The following ATP8B1 variants were observed in gnomAD, a reference collection of about 807,000 sequenced individuals.
ATP8B1 encodes phospholipid-transporting ATPase IC.
Under a neutral mutation model 149.9 loss-of-function variants are expected in ATP8B1, and 80 were observed. That is an observed-to-expected ratio of 0.53 (90% CI 0.45 to 0.64). The LOEUF is 0.64. Ranked by LOEUF, ATP8B1 falls within the 30% of genes least tolerant of loss-of-function variation. The pLI is 0.00. For synonymous variants in ATP8B1, 536 were observed against 562.8 expected (o/e 0.95, Z 0.67); for missense variants, 1,247 against 1,552.6 (o/e 0.80, Z 3.31).
chr18:57,659,207 T>G (rs1233663360), intron 22 of ATP8B1, among the ~76,000 whole-genome samples: 3 of 151,748 alleles, frequency 2.0e-5, no homozygotes, highest in African/African-American at 7.3e-5. Flanking sequence ...GGCCAGGAGG[T>G]GGAGGTTGCA....
At chr18:57,744,242 G>C (rs1418157114) in intron 1 of ATP8B1, among the ~76,000 whole-genome samples, 1 of 150,322 alleles carries the variant, frequency 6.7e-6, no homozygotes, top group African/African-American at 2.4e-5. Flanking sequence ...TTGAACCCGG[G>C]AGGTAGAGGT....
chr18:57,661,171 C>T lies in ATP8B1; in HGVS notation c.2707+3G>A. 6.2e-7 allele frequency: 1 copy of T among 1,613,444 alleles called. No homozygotes were observed. The highest frequency in any genetic ancestry group is 1.3e-5 in the African/African-American group (1 of 75,034). ...CCTCACTGGCCGTGGGTGCATGACT[C>T]ACTTTTGATCATGTTCACGTCATTG... On this transcript the variant is annotated splice_donor_region_variant and intron_variant, in intron 22 of 27. Coordinates refer to ENST00000648908, the MANE Select transcript of ATP8B1 (RefSeq NM_001374385.1).
intron 1 of ATP8B1, among the ~76,000 whole-genome samples, chr18:57,768,818 A>T (rs2080241299): frequency 6.6e-6 from 1 of 152,238 alleles, no homozygotes; most frequent in Admixed American, 6.5e-5. Flanking sequence ...CACACACCCA[A>T]GAGAAAGGCT....
At chr18:57,706,999 T>C (rs1277718379) in intron 2 of ATP8B1, among the ~76,000 whole-genome samples, 2 of 152,202 alleles carry the variant, frequency 1.3e-5, no homozygotes, top group Non-Finnish European at 2.9e-5. Flanking sequence ...AAGCATGCTA[T>C]AAATCAGGAA....
At chr18:57,710,048 G>T (rs902518795) in intron 2 of ATP8B1, among the ~76,000 whole-genome samples, 16 of 150,850 alleles carry the variant, frequency 1.1e-4, no homozygotes, top group African/African-American at 3.7e-4. Context: ...CCAGTGCCTA[G>T]GCTGGCCTCA....
rs111925505 is a variant in ATP8B1, at chr18:57,666,828, G to A, written c.2285+264C>T. On this transcript the variant is annotated intron_variant, in intron 20 of 27. Coordinates refer to ENST00000648908, the MANE Select transcript of ATP8B1 (RefSeq NM_001374385.1). ...TGGGATTACAGGCATGAGCCACTGC[G>A]CCTGGCCTGAGCTGAGAAGGAATGG... Among the ~76,000 whole-genome samples the A allele has an allele frequency of 2.6e-5, 4 of 152,256 alleles. No homozygotes were observed. The highest frequency in any genetic ancestry group is 4.4e-5 in the Non-Finnish European group (3 of 68,012).
intron 1 of ATP8B1, among the ~76,000 whole-genome samples, chr18:57,748,218 C>T (rs1262952382): frequency 6.6e-6 from 1 of 152,198 alleles, no homozygotes; most frequent in Non-Finnish European, 1.5e-5. Context: ...TATGTATTCG[C>T]ATTAGCTTAC....
intron 1 of ATP8B1, among the ~76,000 whole-genome samples, chr18:57,782,422 T>C (rs1167914320): frequency 6.6e-6 from 1 of 152,244 alleles, no homozygotes; most frequent in South Asian, 2.1e-4. Context: ...AATTTTTTAT[T>C]ATGCGTGTAG....
chr18:57,668,334 G>A (rs1419771385), intron 19 of ATP8B1, 95 bp downstream of exon 19: 11 of 1,363,664 alleles, frequency 8.1e-6, no homozygotes, highest in African/African-American at 4.3e-5. Context: ...TGTTTGTACA[G>A]GATGAAAAGT....
intron 1 of ATP8B1, among the ~76,000 whole-genome samples, chr18:57,761,129 TAAA>T (rs1164359695): frequency 1.4e-5 from 2 of 139,848 alleles, no homozygotes; most frequent in African/African-American, 2.6e-5. Flanking sequence ...TAAAATAAAA[TAAA>T]ATAAAATAAA....
Position 57,661,272 on chromosome 18 carries a change from G to T in ATP8B1, c.2609C>A (p.Pro870His). 6.2e-7 allele frequency: 1 copy of T among 1,613,920 alleles called. No individual in the cohort carries two copies. The highest frequency in any genetic ancestry group is 8.5e-7 in the Non-Finnish European group (1 of 1,179,998). Residue 870 changes from proline (P) to histidine (H), a missense_variant, in exon 22 of 28, where the codon CCC (proline) becomes CAC (histidine). Coordinates refer to ENST00000648908, the MANE Select transcript of ATP8B1 (RefSeq NM_001374385.1). ...CSAVICCRVT[P>H]KQKAMVVDLV... ...GTCCACCACCATGGCCTTCTGCTTGGGGGTGACGCGGCAGCAGATGACTGC... is the reference window on the plus strand; with the variant it reads ...GTCCACCACCATGGCCTTCTGCTTGTGGGTGACGCGGCAGCAGATGACTGC...
At chr18:57,658,635 G>A (rs1371505481) in intron 22 of ATP8B1, among the ~76,000 whole-genome samples, 1 of 143,714 alleles carries the variant, frequency 7.0e-6, no homozygotes, top group African/African-American at 2.6e-5. Flanking sequence ...CTTTGTGTGT[G>A]TGTGTGTGTG....
chr18:57,764,744 C>T (rs2080194069), intron 1 of ATP8B1, among the ~76,000 whole-genome samples: 1 of 117,228 alleles, frequency 8.5e-6, no homozygotes, highest in African/African-American at 3.4e-5. Context: ...ATTAACTTTT[C>T]ACTTTCAGTT....
chr18:57,653,172 A>G (rs1203238560), intron 24 of ATP8B1, among the ~76,000 whole-genome samples: 1 of 152,064 alleles, frequency 6.6e-6, no homozygotes, highest in Non-Finnish European at 1.5e-5. Flanking sequence ...AGATAAAAAT[A>G]TGCACTAGCT....
intron 20 of ATP8B1, among the ~76,000 whole-genome samples, chr18:57,664,270 G>C (rs1457105725): frequency 6.6e-6 from 1 of 151,664 alleles, no homozygotes; most frequent in African/African-American, 2.4e-5. Flanking sequence ...ACTTTGGGAG[G>C]CTGAGACGGG....
At chr18:57,689,486 T>C (rs1186858295) in intron 12 of ATP8B1, among the ~76,000 whole-genome samples, 1 of 152,192 alleles carries the variant, frequency 6.6e-6, no homozygotes, top group Admixed American at 6.5e-5. Context: ...AATTGTTAGG[T>C]GGGCCAAGGA....
At chr18:57,708,179 A>AT (rs1293471087) in intron 2 of ATP8B1, among the ~76,000 whole-genome samples, 20 of 151,396 alleles carry the variant, frequency 1.3e-4, no homozygotes, top group African/African-American at 4.8e-4. Flanking sequence ...AAAAAAAAAA[A>AT]AGTAACAAGT....
At chr18:57,783,688 T>C (rs1419227871) in intron 1 of ATP8B1, among the ~76,000 whole-genome samples, 2 of 151,972 alleles carry the variant, frequency 1.3e-5, no homozygotes, top group African/African-American at 2.4e-5. Context: ...ATACAAAAAT[T>C]AGCCAGGCAT....
Position 57,650,411 on chromosome 18 carries a change from T to C in ATP8B1, c.3487A>G (p.Ile1163Val). ...CAGATGGTCATTGACAGGAATCGAA[T>C]GGCAACGACGGGTAGTAAGCACACA... ...VAVCLLPVVA[I>V]RFLSMTIWPS... Residue 1163 changes from isoleucine to valine, a missense_variant, in exon 27 of 28, where the codon ATT (isoleucine) becomes GTT (valine). By Grantham distance (29) the Ile-to-Val change is conservative (BLOSUM62 3). Coordinates refer to ENST00000648908, the MANE Select transcript of ATP8B1 (RefSeq NM_001374385.1). 6.2e-7 allele frequency: 1 copy of C among 1,613,982 alleles called. No individual in the cohort carries two copies. Among genetic ancestry groups the C allele is most frequent in the Non-Finnish European group, 8.5e-7 (1 of 1,179,896 alleles).
Sources: gnomAD v4.1 joint callset for allele counts (sites outside exome capture counted in the v4.1 genomes callset) on GRCh38, gnomAD v4.1.1 for gene constraint, MANE v1.5 for transcripts, NCBI Gene and HGNC (gene_info 2026-07-23, HGNC 2026-07-21) for gene names.